SDK1: variants seen among roughly 807,000 people sequenced by gnomAD.
SDK1 encodes protein sidekick-1.
A neutral mutation model predicts 245.5 loss-of-function variants in SDK1; 157 were observed. The ratio of observed to expected loss-of-function variants is 0.64; its 90% confidence interval spans 0.56 to 0.73. The LOEUF (loss-of-function observed/expected upper bound fraction) is 0.73. SDK1 is among the 30% of genes least tolerant of loss of function. The pLI, the probability that SDK1 is intolerant of heterozygous loss-of-function variation, is 0.00. For missense variants in SDK1, 3,583 were observed against 3,002.3 expected (o/e 1.19, Z -4.52); for synonymous variants, 1,647 against 1,278.5 (o/e 1.29, Z -6.15).
At chr7:3,529,263 A>G (rs368981314) in intron 1 of SDK1, among the ~76,000 whole-genome samples, 15 of 152,312 alleles carry the variant, frequency 9.8e-5, no homozygotes, top group African/African-American at 2.6e-4. Context: ...ACTTATCAGC[A>G]GTGAGTTTGC....
intron 4 of SDK1, among the ~76,000 whole-genome samples, chr7:3,806,304 ATGTGGATGT>A (rs1779243004): frequency 1.6e-5 from 2 of 125,934 alleles, no homozygotes; most frequent in African/African-American, 8.7e-5. Flanking sequence ...CCACATTAGG[ATGTGGATGT>A]CCACATTAGG....
chr7:4,043,868 C>T (rs938708985), intron 17 of SDK1, among the ~76,000 whole-genome samples: 8 of 152,124 alleles, frequency 5.3e-5, no homozygotes. Flanking sequence ...ATGCCGTCCT[C>T]AACCCCAGAG....
rs28462157 is a variant in SDK1, at chr7:3,890,363, C to G, written c.848-60560C>G. Among the ~76,000 whole-genome samples the G allele has an allele frequency of 6.7e-3, 1,020 of 152,298 alleles. 13 individuals carry two copies. Among genetic ancestry groups the G allele is most frequent in the African/African-American group, 0.023 (973 of 41,566 alleles). ...GAAGACTTTGTGCCGGGAAAAATGT[C>G]AATGATCTCACATTTATGTTTTTAT... On this transcript the variant is annotated intron_variant, in intron 5 of 44. Transcript: ENST00000404826.
chr7:3,791,383 C>T (rs921882505), intron 4 of SDK1, among the ~76,000 whole-genome samples: 3 of 152,104 alleles, frequency 2.0e-5, no homozygotes, highest in African/African-American at 7.2e-5. Flanking sequence ...GAAGCTGAGG[C>T]AGAAGCCATG....
intron 14 of SDK1, among the ~76,000 whole-genome samples, chr7:3,997,956 C>A (rs1029008674): frequency 6.6e-6 from 1 of 152,236 alleles, no homozygotes; most frequent in Non-Finnish European, 1.5e-5. Flanking sequence ...TCCAAGCCTG[C>A]GAGGGCAGGG....
At chr7:4,233,843 G>A (rs1055783558) in intron 41 of SDK1, among the ~76,000 whole-genome samples, 4 of 152,126 alleles carry the variant, frequency 2.6e-5, no homozygotes, top group Non-Finnish European at 4.4e-5. Context: ...AGCACCACCA[G>A]CAAGGCCCCT....
chr7:3,846,734 C>G (rs1425676410), intron 5 of SDK1, among the ~76,000 whole-genome samples: 3 of 152,210 alleles, frequency 2.0e-5, no homozygotes, highest in Non-Finnish European at 4.4e-5. Context: ...ATCTGGAACC[C>G]TGTGAGCACA....
chr7:3,399,507 T>C (rs534010860), intron 1 of SDK1, among the ~76,000 whole-genome samples: 1 of 152,262 alleles, frequency 6.6e-6, no homozygotes, highest in East Asian at 1.9e-4. Flanking sequence ...ATATTTTGGT[T>C]AAACACTATA....
intron 4 of SDK1, among the ~76,000 whole-genome samples, chr7:3,781,995 T>C (rs189906298): frequency 6.6e-5 from 10 of 152,316 alleles, no homozygotes; most frequent in Admixed American, 2.6e-4. Context: ...AGAAACTATA[T>C]TTAAAGAAAT....
At chr7:3,368,784 A>G (rs950027866) in intron 1 of SDK1, among the ~76,000 whole-genome samples, 4 of 152,184 alleles carry the variant, frequency 2.6e-5, no homozygotes, top group African/African-American at 9.7e-5. Flanking sequence ...AGATAACACA[A>G]AGCACTTAGA....
At chr7:3,570,766 G>A (rs575805911) in intron 1 of SDK1, among the ~76,000 whole-genome samples, 2 of 152,222 alleles carry the variant, frequency 1.3e-5, no homozygotes, top group African/African-American at 2.4e-5. Flanking sequence ...GTCCCTAAAG[G>A]CATTTCAGGC....
chr7:3,691,827 C>T (rs961728204), intron 4 of SDK1, among the ~76,000 whole-genome samples: 1 of 152,096 alleles, frequency 6.6e-6, no homozygotes, highest in Non-Finnish European at 1.5e-5. Flanking sequence ...CTCATTCAGA[C>T]AGCGTGGGTT....
chr7:4,265,638 T>A lies in SDK1; in HGVS notation c.*254T>A. ...CTTTTTAAGAGAAGGTGTATTTCAC[T>A]GGTGCAATGGCTTGGCACCTCCGGG... is the stretch of plus-strand genomic sequence containing the variant. On this transcript the variant is annotated 3_prime_UTR_variant, in exon 45 of 45. Coordinates refer to ENST00000404826, the MANE Select transcript of SDK1 (RefSeq NM_152744.4). 6.2e-6 allele frequency: 8 copies of A among 1,289,132 alleles called. No individual in the cohort carries two copies. Among genetic ancestry groups the A allele is most frequent in the Non-Finnish European group, 7.8e-6 (8 of 1,024,476 alleles). 79.9% of individuals were successfully genotyped at this position (1,289,132 alleles called of 1,614,324 possible).
chr7:3,578,191 G>T (rs971524406), intron 1 of SDK1, among the ~76,000 whole-genome samples: 1 of 151,940 alleles, frequency 6.6e-6, no homozygotes, highest in African/African-American at 2.4e-5. Flanking sequence ...GCCGCCGGGG[G>T]TGACATCACA....
intron 14 of SDK1, among the ~76,000 whole-genome samples, chr7:4,005,340 G>A (rs897730047): frequency 1.3e-5 from 2 of 151,262 alleles, no homozygotes; most frequent in African/African-American, 4.9e-5. Context: ...TTTATTGCCT[G>A]GAGACTGGAT....
At chr7:3,692,130 T>C (rs748010678) in intron 4 of SDK1, among the ~76,000 whole-genome samples, 9 of 152,196 alleles carry the variant, frequency 5.9e-5, no homozygotes, top group Non-Finnish European at 8.8e-5. Context: ...TAAATACTTA[T>C]ATTAATAATT....
chr7:3,569,248 T>A (rs1030177036), intron 1 of SDK1, among the ~76,000 whole-genome samples: 2 of 152,158 alleles, frequency 1.3e-5, no homozygotes, highest in African/African-American at 2.4e-5. Flanking sequence ...AAGTCGGAAT[T>A]CAAACGAGAA....
At chr7:4,225,218 C>G in intron 40 of SDK1, among the ~76,000 whole-genome samples, 1 of 152,170 alleles carries the variant, frequency 6.6e-6, no homozygotes, top group Admixed American at 6.5e-5. Context: ...CAGGATGTTA[C>G]CACTGGGGGA....
chr7:3,875,815 C>G (rs370560562), intron 5 of SDK1, among the ~76,000 whole-genome samples: 4 of 152,130 alleles, frequency 2.6e-5, no homozygotes, highest in African/African-American at 9.7e-5. Flanking sequence ...ACCCCTATAT[C>G]CTTGGGAATC....
Sources: allele counts gnomAD v4.1 joint callset (sites outside exome capture counted in the v4.1 genomes callset), GRCh38; gene constraint gnomAD v4.1.1; transcripts MANE v1.5; gene names NCBI Gene and HGNC (gene_info 2026-07-23, HGNC 2026-07-21).